TENM1: variants seen among roughly 807,000 people sequenced by gnomAD.
The protein encoded by TENM1 is teneurin transmembrane protein 1.
TENM1 carries 35 observed loss-of-function variants against 174.8 expected under a neutral mutation model. The observed-to-expected ratio is 0.20, with a 90% confidence interval of 0.15 to 0.27. TENM1 has a LOEUF of 0.27. TENM1 is among the 10% of genes least tolerant of loss of function. The probability of loss-of-function intolerance (pLI) is 1.00; values close to 1 mark genes in which losing one functional copy is unlikely to be tolerated. For synonymous variants in TENM1, 781 were observed against 798.7 expected (o/e 0.98, Z 0.37); for missense variants, 1,633 against 2,130.1 (o/e 0.77, Z 4.59).
the TENM1 span, among the ~76,000 whole-genome samples, chrX:125,054,782 C>T: frequency 9.0e-6 from 1 of 111,259 alleles, no homozygotes; most frequent in African/African-American, 3.3e-5. Context: ...AGAACGGAGA[C>T]ATGTGGAGGA....
intron 23 of TENM1, among the ~76,000 whole-genome samples, chrX:124,446,835 T>C (rs770284147): frequency 4.0e-4 from 45 of 112,545 alleles, no homozygotes; most frequent in African/African-American, 1.2e-3. Context: ...CTATCCAATA[T>C]TTGCTTGAAA....
At chrX:124,572,543 C>T (rs1011918283) in intron 11 of TENM1, among the ~76,000 whole-genome samples, 8 of 110,879 alleles carry the variant, frequency 7.2e-5, no homozygotes, top group Non-Finnish European at 1.5e-4. Context: ...CTAGAATTAA[C>T]TACAGCTTCT....
chrX:124,764,998 C>T (rs1271412606), intron 3 of TENM1, among the ~76,000 whole-genome samples: 1 of 111,006 alleles, frequency 9.0e-6, no homozygotes, highest in East Asian at 2.8e-4. Context: ...AATGTTACCC[C>T]TTTTATTAAC....
Position 124,582,604 on chromosome X carries a change from C to T in TENM1, c.2078-17044G>A, listed in dbSNP as rs6649257. Among the ~76,000 whole-genome samples the T allele has an allele frequency of 7.7e-4, 86 of 112,086 alleles. 1 individual carries two copies. The East Asian group carries it at 0.023, about 30-fold the overall frequency. On this transcript the variant is annotated intron_variant, in intron 11 of 31. Transcript: ENST00000422452. Reference sequence around the variant, plus strand: ...TCCGGTCTACAGCTCCCAGCGTGAGCGACACAGAAGATGGGTGATTTCTGC... The same window carrying T: ...TCCGGTCTACAGCTCCCAGCGTGAGTGACACAGAAGATGGGTGATTTCTGC...
chrX:124,624,255 C>G (rs183188159), intron 11 of TENM1, among the ~76,000 whole-genome samples: 1 of 111,322 alleles, frequency 9.0e-6, no homozygotes, highest in Admixed American at 9.6e-5. Flanking sequence ...AAAGGTATGA[C>G]CTTCCTAGTA....
At chrX:125,068,048 A>G in the TENM1 span, among the ~76,000 whole-genome samples, 1 of 112,065 alleles carries the variant, frequency 8.9e-6, no homozygotes, top group Non-Finnish European at 1.9e-5. Flanking sequence ...TTGAGCAAAG[A>G]GAGACAAACT....
At chrX:124,642,865 C>T (rs898352237) in intron 10 of TENM1, among the ~76,000 whole-genome samples, 8 of 112,204 alleles carry the variant, frequency 7.1e-5, no homozygotes, top group African/African-American at 2.3e-4. Flanking sequence ...AATAACTAAT[C>T]GTAATGAGGA....
the TENM1 span, among the ~76,000 whole-genome samples, chrX:125,047,915 T>G: frequency 1.8e-5 from 2 of 111,170 alleles, no homozygotes; most frequent in Non-Finnish European, 3.8e-5. Flanking sequence ...CTGGAACACA[T>G]ACACTCAAAT....
At chrX:125,147,135 A>G in the TENM1 span, among the ~76,000 whole-genome samples, 3 of 96,966 alleles carry the variant, frequency 3.1e-5, no homozygotes, top group Admixed American at 1.1e-4. Context: ...ATACACACAT[A>G]TGTGTGTATA....
intron 3 of TENM1, among the ~76,000 whole-genome samples, chrX:124,863,094 G>C (rs1458618251): frequency 1.9e-5 from 2 of 108,049 alleles, no homozygotes; most frequent in Non-Finnish European, 3.8e-5. Context: ...GCTAATTGAA[G>C]AGCCTTTGGA....
chrX:125,158,278 C>G, the TENM1 span, among the ~76,000 whole-genome samples: 1 of 107,791 alleles, frequency 9.3e-6, no homozygotes, highest in Non-Finnish European at 1.9e-5. Flanking sequence ...TGGTGCATGC[C>G]TGTAGTCCCA....
intron 11 of TENM1, among the ~76,000 whole-genome samples, chrX:124,589,573 A>T (rs1171827695): frequency 9.1e-6 from 1 of 110,338 alleles, no homozygotes; most frequent in Admixed American, 9.7e-5. Flanking sequence ...TAGAGTTTTT[A>T]TTACTACTTC....
intron 3 of TENM1, among the ~76,000 whole-genome samples, chrX:124,740,935 G>A (rs1252313513): frequency 1.8e-5 from 2 of 111,632 alleles, no homozygotes; most frequent in East Asian, 2.8e-4. Flanking sequence ...AAGGGAGAAG[G>A]GGGGAGTGGT....
At chrX:124,555,978 A>C (rs1569305598) in intron 14 of TENM1, among the ~76,000 whole-genome samples, 2 of 112,333 alleles carry the variant, frequency 1.8e-5, no homozygotes, top group Non-Finnish European at 3.7e-5. Flanking sequence ...TGTTACTCCC[A>C]GATCAGCAGC....
intron 3 of TENM1, among the ~76,000 whole-genome samples, chrX:124,749,662 A>G (rs1297378729): frequency 9.0e-6 from 1 of 111,701 alleles, no homozygotes; most frequent in Non-Finnish European, 1.9e-5. Flanking sequence ...CACCTAACAA[A>G]CGATGACGAC....
At chrX:124,473,504 A>C (rs1163040729) in intron 22 of TENM1, among the ~76,000 whole-genome samples, 2 of 111,692 alleles carry the variant, frequency 1.8e-5, no homozygotes, top group African/African-American at 3.3e-5. Context: ...CAGAATTCCA[A>C]GCTGTCAGTC....
At chrX:124,599,294 A>G (rs1181624082) in intron 11 of TENM1, among the ~76,000 whole-genome samples, 3 of 111,683 alleles carry the variant, frequency 2.7e-5, no homozygotes, top group Non-Finnish European at 5.7e-5. Flanking sequence ...TCTTATCAAT[A>G]TAGGGACTGC....
chrX:125,040,579 T>C, the TENM1 span, among the ~76,000 whole-genome samples: 1 of 111,454 alleles, frequency 9.0e-6, no homozygotes, highest in South Asian at 3.7e-4. Context: ...CCCATTCAAA[T>C]GCTTAATATG....
the TENM1 span, among the ~76,000 whole-genome samples, chrX:125,150,476 A>C: frequency 8.9e-6 from 1 of 111,935 alleles, no homozygotes; most frequent in Non-Finnish European, 1.9e-5. Flanking sequence ...CAAACTGGTG[A>C]CAAGACAAAG....
Sources: gnomAD v4.1 joint callset for allele counts (sites outside exome capture counted in the v4.1 genomes callset) on GRCh38, gnomAD v4.1.1 for gene constraint, MANE v1.5 for transcripts, NCBI Gene and HGNC (gene_info 2026-07-23, HGNC 2026-07-21) for gene names.